The following IMMP2L variants were observed in gnomAD, a reference collection of about 807,000 sequenced individuals.
IMMP2L encodes mitochondrial inner membrane protease subunit 2.
Under a neutral mutation model 19.3 loss-of-function variants are expected in IMMP2L, and 18 were observed. The observed-to-expected ratio is 0.93, with a 90% CI of 0.64 to 1.38. The LOEUF is 1.38. IMMP2L is among the 40% of genes most tolerant of loss of function. IMMP2L has a pLI of 0.00. For missense variants in IMMP2L, 233 were observed against 218.2 expected, an observed-to-expected ratio of 1.07 and a Z score of -0.43; for synonymous variants, 76 against 73.0, an observed-to-expected ratio of 1.04 and a Z score of -0.21.
intron 3 of IMMP2L, among the ~76,000 whole-genome samples, chr7:111,357,120 C>G (rs1828792138): frequency 6.6e-6 from 1 of 152,172 alleles, no homozygotes; most frequent in Non-Finnish European, 1.5e-5. Context: ...TAATCACTAA[C>G]CACTTCAAGA....
chr7:111,150,394 C>T (rs371998006), intron 3 of IMMP2L, among the ~76,000 whole-genome samples: 2 of 152,094 alleles, frequency 1.3e-5, no homozygotes, highest in Admixed American at 1.3e-4. Flanking sequence ...GGCAAATGAA[C>T]TTCCTGGTAT....
intron 5 of IMMP2L, among the ~76,000 whole-genome samples, chr7:110,842,970 C>T (rs568749611): frequency 6.6e-6 from 1 of 151,990 alleles, no homozygotes; most frequent in Admixed American, 6.6e-5. Flanking sequence ...AGATTTAAAA[C>T]CACAGCTTAG....
At chr7:111,377,031 G>A (rs1251330416) in intron 3 of IMMP2L, among the ~76,000 whole-genome samples, 1 of 151,832 alleles carries the variant, frequency 6.6e-6, no homozygotes, top group African/African-American at 2.4e-5. Context: ...CTTCAAATGG[G>A]TGAATCATAT....
intron 4 of IMMP2L, among the ~76,000 whole-genome samples, chr7:110,936,699 G>A (rs1414842446): frequency 6.6e-6 from 1 of 151,940 alleles, no homozygotes; most frequent in Admixed American, 6.6e-5. Context: ...CCCATTACTG[G>A]GTATATACCC....
chr7:110,744,169 C>G (rs1013842158), intron 5 of IMMP2L, among the ~76,000 whole-genome samples: 3 of 152,136 alleles, frequency 2.0e-5, no homozygotes, highest in Admixed American at 6.5e-5. Context: ...GGAGCCCACC[C>G]CAGCTCAGAA....
intron 5 of IMMP2L, among the ~76,000 whole-genome samples, chr7:110,832,565 T>C (rs994144406): frequency 5.3e-5 from 8 of 152,236 alleles, no homozygotes; most frequent in Middle Eastern, 3.4e-3. Flanking sequence ...CTGGTGACCA[T>C]TGGTGAACTC....
intron 3 of IMMP2L, among the ~76,000 whole-genome samples, chr7:111,465,844 T>C (rs1340431870): frequency 1.3e-5 from 2 of 152,170 alleles, no homozygotes; most frequent in African/African-American, 4.8e-5. Context: ...CAAAGGATTA[T>C]AAATCATGCT....
At chr7:111,513,218 T>C (rs1212869002) in intron 2 of IMMP2L, among the ~76,000 whole-genome samples, 1 of 152,070 alleles carries the variant, frequency 6.6e-6, no homozygotes, top group African/African-American at 2.4e-5. Flanking sequence ...ACCATATATC[T>C]AATAAGGGGT....
intron 3 of IMMP2L, among the ~76,000 whole-genome samples, chr7:111,343,101 C>A (rs1336010212): frequency 1.3e-5 from 2 of 152,066 alleles, no homozygotes; most frequent in Non-Finnish European, 2.9e-5. Flanking sequence ...TAGACTTTTG[C>A]AGAATATTAT....
chr7:110,815,231 T>C (rs950000041), intron 5 of IMMP2L, among the ~76,000 whole-genome samples: 6 of 152,120 alleles, frequency 3.9e-5, no homozygotes, highest in Non-Finnish European at 5.9e-5. Context: ...AATCATGTGG[T>C]TTTTGTCTTT....
At chr7:111,432,539 C>A (rs1473051506) in intron 3 of IMMP2L, among the ~76,000 whole-genome samples, 1 of 151,722 alleles carries the variant, frequency 6.6e-6, no homozygotes. Context: ...AAATCCTCAA[C>A]AAACTAGGTA....
intron 5 of IMMP2L, among the ~76,000 whole-genome samples, chr7:110,719,847 T>G (rs1386166741): frequency 1.3e-5 from 2 of 152,248 alleles, no homozygotes; most frequent in African/African-American, 2.4e-5. Flanking sequence ...CTCTTTTATG[T>G]AGTTACATTG....
At chr7:110,673,141 T>C (rs1010587336) in intron 5 of IMMP2L, among the ~76,000 whole-genome samples, 4 of 152,154 alleles carry the variant, frequency 2.6e-5, no homozygotes, top group African/African-American at 9.7e-5. Context: ...TAGATGGAGG[T>C]TCCCAAACCT....
In IMMP2L at chr7:110,750,582, A is replaced by G. The variant is rs556425705; in HGVS notation, c.409-86861T>C. 5.5e-4 allele frequency among the ~76,000 whole-genome samples: 84 copies of G among 152,250 alleles called. 1 individual carries two copies. Among genetic ancestry groups the G allele is most frequent in the Non-Finnish European group, 9.7e-4 (66 of 67,984 alleles). On this transcript the variant is annotated intron_variant, in intron 5 of 5. Transcript: ENST00000405709. ...AATACCAAGAAAATAATAAATTAAT[A>G]GCAATTATGGTGACTCACTCTGGAA...
At chr7:111,243,395 T>C (rs1175779398) in intron 3 of IMMP2L, among the ~76,000 whole-genome samples, 1 of 152,138 alleles carries the variant, frequency 6.6e-6, no homozygotes, top group Non-Finnish European at 1.5e-5. Context: ...TTTTATATTC[T>C]TGCATGGACT....
intron 3 of IMMP2L, among the ~76,000 whole-genome samples, chr7:111,021,310 G>C (rs1384507435): frequency 6.6e-6 from 1 of 152,034 alleles, no homozygotes; most frequent in Non-Finnish European, 1.5e-5. Flanking sequence ...TTTCTCATAA[G>C]CCTCAGAAAA....
intron 3 of IMMP2L, among the ~76,000 whole-genome samples, chr7:111,162,492 T>C (rs1169217644): frequency 6.6e-6 from 1 of 152,062 alleles, no homozygotes; most frequent in Non-Finnish European, 1.5e-5. Flanking sequence ...AAATATATAC[T>C]ACAGTCATCA....
chr7:111,282,205 T>C lies in IMMP2L; in HGVS notation c.239+205033A>G, dbSNP rs1195844487. Among the ~76,000 whole-genome samples, 5 of 152,284 alleles carry C rather than the reference T, an allele frequency of 3.3e-5. No homozygotes were observed. In the East Asian group the frequency reaches 9.7e-4, roughly 29 times the overall value. On this transcript the variant is annotated intron_variant, in intron 3 of 5. Transcript: ENST00000405709. ...ATAGAAAGAAGCGTGACAGATCAAC[T>C]TCTGGCATGACAGTATGAGGATCTC...
intron 4 of IMMP2L, among the ~76,000 whole-genome samples, chr7:110,957,847 T>C (rs1818518655): frequency 6.6e-6 from 1 of 151,996 alleles, no homozygotes. Flanking sequence ...CCCAGACCCT[T>C]ACCATTTCTC....
Sources: allele counts gnomAD v4.1 joint callset (sites outside exome capture counted in the v4.1 genomes callset), GRCh38; gene constraint gnomAD v4.1.1; transcripts MANE v1.5; gene names NCBI Gene and HGNC (gene_info 2026-07-23, HGNC 2026-07-21).